OR51B5: variants seen among roughly 807,000 people sequenced by gnomAD.
OR51B5 encodes olfactory receptor family 51 subfamily B member 5, also known as olfactory receptor 51B5.
For missense variants in OR51B5, 456 were observed against 374.6 expected (o/e 1.22, Z -1.79); for synonymous variants, 186 against 144.8 (o/e 1.28, Z -2.04).
At chr11:5,374,433 C>T (rs1430150260) in intron 1 of OR51B5, among the ~76,000 whole-genome samples, 1 of 152,204 alleles carries the variant, frequency 6.6e-6, no homozygotes, top group African/African-American at 2.4e-5. Flanking sequence ...ACCTTTCCTC[C>T]TCCAAAGGAA....
chr11:5,393,956 T>C (rs998350190), intron 1 of OR51B5, among the ~76,000 whole-genome samples: 5 of 152,322 alleles, frequency 3.3e-5, no homozygotes, highest in African/African-American at 4.8e-5. Flanking sequence ...AGTCCCATCA[T>C]TGGCTTCTCC....
intron 1 of OR51B5, among the ~76,000 whole-genome samples, chr11:5,504,575 A>G (rs970298682): frequency 4.6e-5 from 7 of 152,200 alleles, no homozygotes; most frequent in African/African-American, 1.7e-4. Context: ...CAGCAACATC[A>G]GCCTGCAGGG....
chr11:5,395,681 G>C (rs951746), intron 1 of OR51B5, among the ~76,000 whole-genome samples: 81,222 of 151,784 alleles, frequency 0.54, 22,313 homozygotes, highest in African/African-American at 0.67. Flanking sequence ...CATTTCTCTC[G>C]AAAAGAGGCA....
intron 1 of OR51B5, among the ~76,000 whole-genome samples, chr11:5,438,242 G>A (rs1850618716): frequency 6.6e-6 from 1 of 151,540 alleles, no homozygotes; most frequent in Admixed American, 6.6e-5. Context: ...GAGGCAGCAT[G>A]AAGGGGAACA....
chr11:5,412,934 G>GAGCAGTGGTTCTCCCAGCATGC (rs1186139928), intron 1 of OR51B5, among the ~76,000 whole-genome samples: 28 of 152,200 alleles, frequency 1.8e-4, no homozygotes, highest in Admixed American at 4.6e-4. Context: ...GCCTTGAAAA[G>GAGCAGTGGTTCTCCCAGCATGC]AGCAGTGGTT....
intron 1 of OR51B5, among the ~76,000 whole-genome samples, chr11:5,357,440 T>C (rs1349506397): frequency 2.0e-5 from 3 of 151,370 alleles, no homozygotes; most frequent in Non-Finnish European, 4.4e-5. Context: ...CCTAAACATA[T>C]ATGCACCCAA....
intron 1 of OR51B5, among the ~76,000 whole-genome samples, chr11:5,382,921 A>C (rs980369583): frequency 4.6e-5 from 7 of 152,088 alleles, no homozygotes; most frequent in African/African-American, 1.7e-4. Context: ...CTAATCAACC[A>C]TGCCCTATTT....
At chr11:5,505,070 T>C (rs1030135412) in intron 1 of OR51B5, among the ~76,000 whole-genome samples, 5 of 152,238 alleles carry the variant, frequency 3.3e-5, no homozygotes, top group Admixed American at 6.5e-5. Context: ...TTGGCCCAGA[T>C]GAAAGGCAGA....
chr11:5,461,261 G>T (rs1282831880), intron 1 of OR51B5, among the ~76,000 whole-genome samples: 1 of 152,192 alleles, frequency 6.6e-6, no homozygotes, highest in African/African-American at 2.4e-5. Context: ...CAGGCCAGGG[G>T]GTGGAGGCGA....
chr11:5,346,535 G>A (rs1412423705), upstream of OR51B5, among the ~76,000 whole-genome samples: 3 of 151,906 alleles, frequency 2.0e-5, no homozygotes, highest in Non-Finnish European at 4.4e-5. Flanking sequence ...AAAGTAAAAT[G>A]TAGTAGAATA....
chr11:5,492,664 T>C (rs1282722623), intron 1 of OR51B5, among the ~76,000 whole-genome samples: 1 of 152,188 alleles, frequency 6.6e-6, no homozygotes, highest in Non-Finnish European at 1.5e-5. Context: ...CTCTGGTTCC[T>C]ACATCTTTGT....
At chr11:5,418,147 T>C (rs1198020969) in intron 1 of OR51B5, among the ~76,000 whole-genome samples, 2 of 151,546 alleles carry the variant, frequency 1.3e-5, no homozygotes, top group Non-Finnish European at 2.9e-5. Flanking sequence ...CAGTAAACTA[T>C]TGCAAGAACA....
intron 1 of OR51B5, chr11:5,440,805 A>G: frequency 1.2e-6 from 2 of 1,613,906 alleles, no homozygotes; most frequent in South Asian, 1.1e-5. Flanking sequence ...GAGTGCCTTG[A>G]GCCGCTGTTC....
At chr11:5,367,437 T>C (rs546392140) in intron 1 of OR51B5, among the ~76,000 whole-genome samples, 1 of 152,182 alleles carries the variant, frequency 6.6e-6, no homozygotes, top group South Asian at 2.1e-4. Context: ...AAACAAGGGG[T>C]GGATTATTCA....
intron 1 of OR51B5, among the ~76,000 whole-genome samples, chr11:5,380,549 G>A (rs1394087725): frequency 6.6e-6 from 1 of 152,154 alleles, no homozygotes; most frequent in Non-Finnish European, 1.5e-5. Flanking sequence ...TGAGAACCCT[G>A]TGAGTAAGGA....
At chr11:5,460,898 C>T (rs1211933098) in intron 1 of OR51B5, among the ~76,000 whole-genome samples, 1 of 152,222 alleles carries the variant, frequency 6.6e-6, no homozygotes, top group Non-Finnish European at 1.5e-5. Context: ...GGGTCTGGGA[C>T]CAAGCCTCTG....
chr11:5,378,349 A>G (rs1442731080), intron 1 of OR51B5, among the ~76,000 whole-genome samples: 2 of 152,234 alleles, frequency 1.3e-5, no homozygotes, highest in East Asian at 1.9e-4. Context: ...ACCTAAAACC[A>G]TAAAAACCCT....
At chr11:5,386,104 T>C (rs1284647143) in intron 1 of OR51B5, among the ~76,000 whole-genome samples, 3 of 152,118 alleles carry the variant, frequency 2.0e-5, no homozygotes, top group African/African-American at 7.2e-5. Context: ...AGAAGTGATA[T>C]TTGTACTAAG....
In OR51B5 at chr11:5,475,640, A is replaced by G. The variant is rs189011115; in HGVS notation, n.84+29929T>C. 9.8e-5 allele frequency among the ~76,000 whole-genome samples: 15 copies of G among 152,350 alleles called. No individual in the cohort carries two copies. The East Asian group carries it at 2.9e-3, about 29-fold the overall frequency. ...CAGAGTTATGATTAAATGATCTAAC[A>G]TAAATGGAAAAGTATGCATTTATTG... On this transcript the variant is annotated intron_variant and non_coding_transcript_variant, in intron 1 of 4. Transcript: ENST00000415970.
Sources: allele counts gnomAD v4.1 joint callset (sites outside exome capture counted in the v4.1 genomes callset), GRCh38; gene constraint gnomAD v4.1.1; transcripts MANE v1.5; gene names NCBI Gene and HGNC (gene_info 2026-07-23, HGNC 2026-07-21).